Variants in LRRC69 observed in about 807,000 individuals in gnomAD.
LRRC69 encodes the protein leucine rich repeat containing 69.
A neutral mutation model predicts 37.8 loss-of-function variants in LRRC69; 42 were observed. The observed-to-expected ratio is 1.11, with a 90% CI of 0.87 to 1.44. The LOEUF (loss-of-function observed/expected upper bound fraction) is 1.44, where lower values mean the gene tolerates loss of function less well. LRRC69 is among the 40% of genes most tolerant of loss of function. The pLI is 0.00. For missense variants in LRRC69, 357 were observed against 401.9 expected, an observed-to-expected ratio of 0.89 and a Z score of 0.96; for synonymous variants, 141 against 143.1, an observed-to-expected ratio of 0.99 and a Z score of 0.11.
At chr8:91,218,773 G>T in intron 7 of LRRC69, 117 bp from the exon 8 acceptor site, 1 of 618,566 alleles carries the variant, frequency 1.6e-6, no homozygotes. Context: ...AGCATAAATA[G>T]AATAGTGCGT....
At chr8:91,168,610 G>T (rs1809071165) in intron 5 of LRRC69, among the ~76,000 whole-genome samples, 1 of 151,916 alleles carries the variant, frequency 6.6e-6, no homozygotes, top group Admixed American at 6.6e-5. Context: ...CAACCTACCT[G>T]CTAAGCAGGA....
At chr8:91,198,854 A>G (rs1809665867) in intron 6 of LRRC69, among the ~76,000 whole-genome samples, 1 of 152,168 alleles carries the variant, frequency 6.6e-6, no homozygotes, top group Admixed American at 6.5e-5. Flanking sequence ...ATAGTATTTT[A>G]TTTTATATAT....
intron 5 of LRRC69, among the ~76,000 whole-genome samples, chr8:91,171,113 A>G (rs979700039): frequency 1.3e-5 from 2 of 152,060 alleles, no homozygotes; most frequent in Non-Finnish European, 2.9e-5. Flanking sequence ...AAAATAGTCA[A>G]TTCTGAGGCT....
chr8:91,203,587 T>C (rs779211786), intron 7 of LRRC69, among the ~76,000 whole-genome samples: 1 of 151,346 alleles, frequency 6.6e-6, no homozygotes, highest in Non-Finnish European at 1.5e-5. Context: ...TTAGTAGAGA[T>C]GGGGTTTTAC....
At chr8:91,150,958 T>C (rs1458270539) in intron 5 of LRRC69, among the ~76,000 whole-genome samples, 1 of 152,010 alleles carries the variant, frequency 6.6e-6, no homozygotes, top group Non-Finnish European at 1.5e-5. Flanking sequence ...TTATTGTGTC[T>C]GTTTCATTCT....
At chr8:91,209,293 G>C (rs577726730) in intron 7 of LRRC69, among the ~76,000 whole-genome samples, 1 of 152,216 alleles carries the variant, frequency 6.6e-6, no homozygotes, top group East Asian at 1.9e-4. Flanking sequence ...GCCAGACATG[G>C]TGGTGGGCAC....
chr8:91,135,799 A>G, intron 5 of LRRC69, 60 bp downstream of exon 5: 1 of 895,360 alleles, frequency 1.1e-6, no homozygotes, highest in Admixed American at 4.1e-5. Context: ...TATTGGGAAT[A>G]GAAAAAATAT....
chr8:91,193,013 T>C (rs1215190201), intron 6 of LRRC69, among the ~76,000 whole-genome samples: 3 of 151,790 alleles, frequency 2.0e-5, no homozygotes, highest in African/African-American at 4.8e-5. Flanking sequence ...CCATCTTGAA[T>C]TGATTTTTGT....
intron 1 of LRRC69, among the ~76,000 whole-genome samples, chr8:91,105,171 C>T (rs1201445833): frequency 6.6e-6 from 1 of 151,836 alleles, no homozygotes; most frequent in Non-Finnish European, 1.5e-5. Flanking sequence ...AAGTCAGATT[C>T]AGGCCAATGG....
At chr8:91,195,218 A>G (rs1255387884) in intron 6 of LRRC69, among the ~76,000 whole-genome samples, 1 of 152,014 alleles carries the variant, frequency 6.6e-6, no homozygotes, top group African/African-American at 2.4e-5. Context: ...ATAGTTTGTT[A>G]TAATTTCTGT....
At chr8:91,109,169 T>C (rs902281545) in intron 1 of LRRC69, among the ~76,000 whole-genome samples, 4 of 152,046 alleles carry the variant, frequency 2.6e-5, no homozygotes, top group African/African-American at 9.6e-5. Flanking sequence ...GAACCGTTCA[T>C]GTCTCCTTTG....
At chr8:91,180,951 A>G (rs1303399549) in intron 5 of LRRC69, among the ~76,000 whole-genome samples, 1 of 152,028 alleles carries the variant, frequency 6.6e-6, no homozygotes, top group East Asian at 1.9e-4. Context: ...AGAGAAGAAA[A>G]TAAAATAAAA....
At chr8:91,152,127 C>T (rs1404241382) in intron 5 of LRRC69, among the ~76,000 whole-genome samples, 2 of 150,600 alleles carry the variant, frequency 1.3e-5, no homozygotes, top group Non-Finnish European at 3.0e-5. Flanking sequence ...GCTGTGCATA[C>T]ACTCTTTAAT....
intron 7 of LRRC69, among the ~76,000 whole-genome samples, chr8:91,218,552 T>A (rs1810099781): frequency 6.6e-6 from 1 of 152,170 alleles, no homozygotes. Flanking sequence ...ATTGATCAAT[T>A]TAATACCCCT....
rs548896009 is a variant in LRRC69 at position 91,194,820 on chromosome 8, G to T, written c.753+5197G>T. Among the ~76,000 whole-genome samples, 78 of 152,150 alleles carry T rather than the reference G, an allele frequency of 5.1e-4. No individual in the cohort carries two copies. The South Asian group carries it at 0.015, about 30-fold the overall frequency. On this transcript the variant is annotated intron_variant, in intron 6 of 7. Transcript: ENST00000448384. ...CTCCTGGATTCATTAATTTTTTGAA[G>T]GGTTTTTTGTGTCTGTATTTCCTTC...
intron 7 of LRRC69, among the ~76,000 whole-genome samples, chr8:91,204,108 A>G (rs2130633706): frequency 6.7e-6 from 1 of 150,074 alleles, no homozygotes; most frequent in South Asian, 2.2e-4. Context: ...GGCAACAGAG[A>G]AAGACTCCAT....
intron 5 of LRRC69, among the ~76,000 whole-genome samples, chr8:91,162,816 T>C (rs1363187306): frequency 6.6e-6 from 1 of 151,316 alleles, no homozygotes; most frequent in Non-Finnish European, 1.5e-5. Context: ...TGCTTTCCAT[T>C]CTTTTGTCTC....
rs181098522 is a variant in LRRC69 at position 91,109,081 on chromosome 8, G to A, written c.183+6237G>A. Among the ~76,000 whole-genome samples, 92 of 152,032 alleles carry A rather than the reference G, an allele frequency of 6.1e-4. 1 individual carries two copies. Among genetic ancestry groups the A allele is most frequent in the African/African-American group, 6.3e-4 (26 of 41,542 alleles). ...TAATGCCTCCTATTTCCTAAGCCTG[G>A]CTATCAAAACAGGGATTCATTATCC... On this transcript the variant is annotated intron_variant, in intron 1 of 7. Transcript: ENST00000448384.
Position 91,157,248 on chromosome 8 carries a change from C to T in LRRC69, c.651+21509C>T, listed in dbSNP as rs371523680. 9 of 1,407,268 alleles carry T rather than the reference C, an allele frequency of 6.4e-6. No individual in the cohort carries two copies. The East Asian group carries it at 7.0e-5, about 11-fold the overall frequency. 87.2% of individuals were successfully genotyped at this position (1,407,268 alleles called of 1,614,324 possible). On this transcript the variant is annotated intron_variant, in intron 5 of 7. Transcript: ENST00000448384. Reference sequence around the variant, plus strand: ...CATTATGAATTCTGACATTAGAAAGCACACTTCACCTCTCTAATGTGACCT... The same window carrying T: ...CATTATGAATTCTGACATTAGAAAGTACACTTCACCTCTCTAATGTGACCT...
Sources: gnomAD v4.1 joint callset for allele counts (sites outside exome capture counted in the v4.1 genomes callset) on GRCh38, gnomAD v4.1.1 for gene constraint, MANE v1.5 for transcripts, NCBI Gene and HGNC (gene_info 2026-07-23, HGNC 2026-07-21) for gene names.